SPIN1: variants seen among roughly 807,000 people sequenced by gnomAD.
SPIN1 encodes spindlin-1.
Under a neutral mutation model 26.0 loss-of-function variants are expected in SPIN1, and 3 were observed. The observed-to-expected ratio is 0.12, with a 90% CI of 0.05 to 0.30. The LOEUF (loss-of-function observed/expected upper bound fraction) is 0.30, where lower values mean the gene tolerates loss of function less well. Among genes scored for constraint, SPIN1 ranks in the 10% least tolerant of loss-of-function variants. The pLI is 1.00. For missense variants in SPIN1, 126 were observed against 333.4 expected (o/e 0.38, Z 4.84); for synonymous variants, 101 against 116.5 (o/e 0.87, Z 0.86).
At chr9:88,388,681 A>G (rs1587763878) in intron 1 of SPIN1, 143 bp downstream of exon 1, 1 of 148,076 alleles carries the variant, frequency 6.8e-6, no homozygotes, top group South Asian at 2.1e-4. Context: ...CGGCGCCCGC[A>G]TAGCGCCCCC....
At chr9:88,399,870 G>A (rs550246409) in intron 1 of SPIN1, among the ~76,000 whole-genome samples, 1 of 152,288 alleles carries the variant, frequency 6.6e-6, no homozygotes, top group East Asian at 1.9e-4. Context: ...TAAGGGACCC[G>A]AAGGTTTCTG....
At chr9:88,433,925 A>G (rs1389912454) in intron 2 of SPIN1, among the ~76,000 whole-genome samples, 1 of 151,866 alleles carries the variant, frequency 6.6e-6, no homozygotes, top group African/African-American at 2.4e-5. Context: ...CATCAACGTT[A>G]TAAGGAAACA....
At chr9:88,389,633 TAA>T (rs1826876733) in intron 1 of SPIN1, among the ~76,000 whole-genome samples, 1 of 152,206 alleles carries the variant, frequency 6.6e-6, no homozygotes, top group African/African-American at 2.4e-5. Context: ...CAGGAACATT[TAA>T]ATGTCTTAAA....
At chr9:88,436,371 T>C (rs1308510928) in intron 2 of SPIN1, among the ~76,000 whole-genome samples, 1 of 152,142 alleles carries the variant, frequency 6.6e-6, no homozygotes, top group Non-Finnish European at 1.5e-5. Context: ...CTCAGGAAAA[T>C]GGAGTGGAAA....
intron 1 of SPIN1, among the ~76,000 whole-genome samples, chr9:88,408,401 G>C (rs1827358906): frequency 7.4e-6 from 1 of 134,476 alleles, no homozygotes; most frequent in Non-Finnish European, 1.6e-5. Flanking sequence ...TTTTTGAGAC[G>C]GAGTGTTGCT....
chr9:88,416,921 C>A (rs1239124179), intron 1 of SPIN1, among the ~76,000 whole-genome samples: 1 of 152,202 alleles, frequency 6.6e-6, no homozygotes. Context: ...TCGCGCCCAG[C>A]CTTGAATGAA....
chr9:88,441,269 A>G (rs1828117822), intron 2 of SPIN1, among the ~76,000 whole-genome samples: 4 of 151,740 alleles, frequency 2.6e-5, no homozygotes, highest in Admixed American at 2.6e-4. Context: ...ACCATTTTAT[A>G]TAAGGGACTT....
intron 1 of SPIN1, among the ~76,000 whole-genome samples, chr9:88,401,707 G>T (rs1473058346): frequency 6.6e-6 from 1 of 152,160 alleles, no homozygotes; most frequent in African/African-American, 2.4e-5. Context: ...CCACAGATGT[G>T]GAGCTGAAGG....
rs917208624 is a variant in SPIN1 at position 88,478,651 on chromosome 9, C to G, written c.*3374C>G. On this transcript the variant is annotated 3_prime_UTR_variant, in exon 6 of 6. Coordinates refer to ENST00000375859, the MANE Select transcript of SPIN1 (RefSeq NM_006717.3). ...TAATTTTTATAATTATGATGTAACT[C>G]TATCTTATCCTTAAAACATTTAAAA... The G allele has an allele frequency of 1.3e-5, 2 of 152,134 alleles. No homozygotes were observed. The highest frequency in any genetic ancestry group is 4.8e-5 in the African/African-American group (2 of 41,426). The allele number at this position is 152,134 out of a possible 1,614,324, so 9.4% of individuals were successfully genotyped here.
chr9:88,408,981 T>TTGTGTGTGTTTG lies in SPIN1; in HGVS notation c.-158-17392_-158-17391insTTGTGTGTGTGT, dbSNP rs1554692221. On this transcript the variant is annotated intron_variant, in intron 1 of 5. Coordinates refer to ENST00000375859, the MANE Select transcript of SPIN1 (RefSeq NM_006717.3). The stretch of plus-strand genomic sequence containing the variant: ...CCGGCCCTTTTGTGTTTGTGTGTGT[T>TTGTGTGTGTTTG]TGTGTGTGTGTGTGTGTGTGTGTGT... Among the ~76,000 whole-genome samples the TTGTGTGTGTTTG allele has an allele frequency of 2.3e-4, 32 of 136,696 alleles. No individual in the cohort carries two copies. In the South Asian group the frequency reaches 7.4e-3, roughly 32 times the overall value. 89.7% of individuals were successfully genotyped at this position (136,696 alleles called of 152,430 possible).
chr9:88,470,169 C>T (rs142425329), intron 5 of SPIN1, among the ~76,000 whole-genome samples: 76 of 152,312 alleles, frequency 5.0e-4, no homozygotes, highest in African/African-American at 1.8e-3. Context: ...TGGCCAAATA[C>T]GATTCCATTG....
At chr9:88,464,323 T>C (rs1828620119) in intron 4 of SPIN1, among the ~76,000 whole-genome samples, 1 of 152,260 alleles carries the variant, frequency 6.6e-6, no homozygotes, top group Non-Finnish European at 1.5e-5. Flanking sequence ...GGCATCAACC[T>C]ACTTTAGTCT....
At chr9:88,440,381 A>G (rs1828094486) in intron 2 of SPIN1, among the ~76,000 whole-genome samples, 1 of 151,926 alleles carries the variant, frequency 6.6e-6, no homozygotes, top group Admixed American at 6.6e-5. Flanking sequence ...CTGGTCTCGG[A>G]CTCCTGAGCT....
intron 1 of SPIN1, among the ~76,000 whole-genome samples, chr9:88,397,248 C>T (rs1827085072): frequency 6.6e-6 from 1 of 151,982 alleles, no homozygotes; most frequent in Admixed American, 6.6e-5. Flanking sequence ...TTAAAACAGC[C>T]TCATAATATG....
rs1484564739 is a variant in SPIN1 at position 88,452,036 on chromosome 9, A to G, written c.101+3047A>G. Among the ~76,000 whole-genome samples, 4 of 152,232 alleles carry G rather than the reference A, an allele frequency of 2.6e-5. No homozygotes were observed. In the East Asian group the frequency reaches 7.7e-4, roughly 29 times the overall value. ...GAAAGGGGTGATTGGGTTTTGGTAT[A>G]TTTTTCACTAACTTAGAAAGTGGAC... On this transcript the variant is annotated intron_variant, in intron 3 of 5. Coordinates refer to ENST00000375859, the MANE Select transcript of SPIN1 (RefSeq NM_006717.3).
intron 2 of SPIN1, among the ~76,000 whole-genome samples, chr9:88,429,561 A>C (rs963254846): frequency 2.0e-5 from 3 of 152,226 alleles, no homozygotes; most frequent in African/African-American, 7.2e-5. Flanking sequence ...ATGAACAGCC[A>C]GATGGAAGAA....
At chr9:88,435,721 T>C (rs761849626) in intron 2 of SPIN1, among the ~76,000 whole-genome samples, 10 of 152,092 alleles carry the variant, frequency 6.6e-5, no homozygotes, top group Non-Finnish European at 1.5e-4. Context: ...GTGATAGGGG[T>C]CATTTACCTT....
rs757363030 is a variant in SPIN1, at chr9:88,441,398, C to CGCGTGTGTGTGTGTGTGTGTGTGTGT, written c.53-7542_53-7541insCGTGTGTGTGTGTGTGTGTGTGTGTG. Among the ~76,000 whole-genome samples the CGCGTGTGTGTGTGTGTGTGTGTGTGT allele has an allele frequency of 5.4e-3, 750 of 137,688 alleles. 8 individuals carry two copies. Among genetic ancestry groups the CGCGTGTGTGTGTGTGTGTGTGTGTGT allele is most frequent in the African/African-American group, 0.019 (589 of 30,954 alleles). The allele number at this position is 137,688 out of a possible 152,430, so 90.3% of individuals were successfully genotyped here. ...TGGTTGTATCATCATTGCTGCCATT[C>CGCGTGTGTGTGTGTGTGTGTGTGTGT]GTGTGTGTGTGTGTGTGCGCGCGCG... On this transcript the variant is annotated intron_variant, in intron 2 of 5. Transcript: ENST00000375859.
At chr9:88,442,114 G>C (rs1828147316) in intron 2 of SPIN1, among the ~76,000 whole-genome samples, 1 of 151,270 alleles carries the variant, frequency 6.6e-6, no homozygotes, top group Non-Finnish European at 1.5e-5. Context: ...ACCGCACCCA[G>C]CTGAATTTTC....
Sources: gnomAD v4.1 joint callset for allele counts (sites outside exome capture counted in the v4.1 genomes callset) on GRCh38, gnomAD v4.1.1 for gene constraint, MANE v1.5 for transcripts, NCBI Gene and HGNC (gene_info 2026-07-23, HGNC 2026-07-21) for gene names.